Variants in CSMD3 observed in about 807,000 individuals in gnomAD.
CSMD3 encodes the protein CUB and Sushi multiple domains 3.
A neutral mutation model predicts 435.2 loss-of-function variants in CSMD3; 177 were observed. The observed-to-expected ratio is 0.41, with a 90% CI of 0.36 to 0.46. The LOEUF (loss-of-function observed/expected upper bound fraction) is 0.46. CSMD3 is among the 20% of genes least tolerant of loss of function. The pLI is 0.34. For missense variants in CSMD3, 4,265 were observed against 4,504.6 expected (o/e 0.95, Z 1.52); for synonymous variants, 1,656 against 1,520.5 (o/e 1.09, Z -2.07).
chr8:112,455,156 A>G (rs1341025900), intron 32 of CSMD3, among the ~76,000 whole-genome samples: 1 of 152,186 alleles, frequency 6.6e-6, no homozygotes, highest in African/African-American at 2.4e-5. Context: ...TCATCACAGT[A>G]CTATTCACAA....
intron 5 of CSMD3, among the ~76,000 whole-genome samples, chr8:113,055,409 C>T (rs2088281179): frequency 6.6e-6 from 1 of 152,178 alleles, no homozygotes; most frequent in Non-Finnish European, 1.5e-5. Flanking sequence ...TTGATAACTC[C>T]TCCTATTATA....
At chr8:112,909,408 TA>T (rs575455283) in intron 10 of CSMD3, among the ~76,000 whole-genome samples, 186 of 151,752 alleles carry the variant, frequency 1.2e-3, no homozygotes, top group African/African-American at 1.8e-3. Flanking sequence ...TTTAAACACA[TA>T]TTTTTTTTAA....
intron 13 of CSMD3, among the ~76,000 whole-genome samples, chr8:112,771,080 C>A (rs1428311876): frequency 6.6e-6 from 1 of 151,996 alleles, no homozygotes; most frequent in Non-Finnish European, 1.5e-5. Flanking sequence ...ATGACATATA[C>A]CTTCAACATT....
At chr8:112,300,471 C>A (rs1435046837) in intron 53 of CSMD3, among the ~76,000 whole-genome samples, 1 of 151,564 alleles carries the variant, frequency 6.6e-6, no homozygotes, top group Non-Finnish European at 1.5e-5. Context: ...TCATTTAACT[C>A]ATTAACTATT....
chr8:112,904,082 T>TC (rs1365517424), intron 10 of CSMD3, among the ~76,000 whole-genome samples: 12 of 151,196 alleles, frequency 7.9e-5, no homozygotes, highest in Non-Finnish European at 1.8e-4. Context: ...CAATGCTTTT[T>TC]CCCCCCCAGA....
At position 112,304,878 on chromosome 8, in the gene CSMD3, T is replaced by A. The variant is rs765423386; in HGVS notation, c.8109A>T (p.Glu2703Asp). The A allele has an allele frequency of 5.0e-6, 8 of 1,613,724 alleles. No individual in the cohort carries two copies. Among genetic ancestry groups the A allele is most frequent in the Non-Finnish European group, 6.8e-6 (8 of 1,179,884 alleles). Residue 2703 changes from glutamate (E) to aspartate (D), a missense_variant, in exon 52 of 71, where the codon GAA (glutamate) becomes GAT (aspartate). Glu to Asp is a conservative substitution (Grantham distance 45, BLOSUM62 2). Coordinates refer to ENST00000297405, the MANE Select transcript of CSMD3 (RefSeq NM_198123.2). ...TCPSINSFIL[E>D]HGRWRIVNGS... ...CATTCACAATTCGCCATCTTCCATG[T>A]TCCAAGATAAAGGAATTGATGCTTG...
chr8:113,125,212 G>A (rs1215969024), intron 4 of CSMD3, among the ~76,000 whole-genome samples: 7 of 151,926 alleles, frequency 4.6e-5, no homozygotes, highest in Admixed American at 1.3e-4. Flanking sequence ...GTGAAAGGGT[G>A]TACACAATGA....
At chr8:112,500,311 A>G (rs998736315) in intron 30 of CSMD3, among the ~76,000 whole-genome samples, 7 of 152,172 alleles carry the variant, frequency 4.6e-5, no homozygotes, top group Non-Finnish European at 7.3e-5. Flanking sequence ...TCATGAATGA[A>G]AGGAACTAGT....
chr8:113,233,512 T>G (rs909947526), intron 3 of CSMD3, among the ~76,000 whole-genome samples: 5 of 150,700 alleles, frequency 3.3e-5, no homozygotes, highest in Non-Finnish European at 5.9e-5. Flanking sequence ...AATATTAATG[T>G]TAGAATATTA....
In CSMD3 at chr8:113,436,912, T is replaced by A. The variant is rs553781433; in HGVS notation, c.-58A>T. On this transcript the variant is annotated 5_prime_UTR_variant, in exon 1 of 71. Coordinates refer to ENST00000297405, the MANE Select transcript of CSMD3 (RefSeq NM_198123.2). ...GCCCGGCGCAGTGGAGTTGTTGCTGTTGTTGGTGCGCGGTCACAGCTCGGA... is the reference window on the plus strand; with the variant it reads ...GCCCGGCGCAGTGGAGTTGTTGCTGATGTTGGTGCGCGGTCACAGCTCGGA... The A allele has an allele frequency of 6.3e-7, 1 of 1,596,354 alleles. No individual in the cohort carries two copies. Among genetic ancestry groups the A allele is most frequent in the Non-Finnish European group, 8.6e-7 (1 of 1,165,966 alleles).
chr8:112,252,669 ATG>A (rs1286156228), intron 63 of CSMD3, among the ~76,000 whole-genome samples: 2 of 110,774 alleles, frequency 1.8e-5, no homozygotes, highest in South Asian at 2.9e-4. Flanking sequence ...CAGATTTAGT[ATG>A]TGTGTGTGTA....
At chr8:112,693,276 G>C (rs2076178619) in intron 13 of CSMD3, among the ~76,000 whole-genome samples, 1 of 152,112 alleles carries the variant, frequency 6.6e-6, no homozygotes, top group South Asian at 2.1e-4. Flanking sequence ...GTGTTAAAGT[G>C]CTAGGTGATT....
chr8:112,295,996 A>G lies in CSMD3; in HGVS notation c.8451T>C (p.Cys2817=), dbSNP rs1364364827. 1 of 1,612,338 alleles carries G rather than the reference A, an allele frequency of 6.2e-7. No individual in the cohort carries two copies. The highest frequency in any genetic ancestry group is 1.1e-5 in the South Asian group (1 of 91,040). Residue 2817 remains cysteine, a synonymous_variant, in exon 54 of 71, where the codon TGT becomes TGC. Transcript: ENST00000297405. ...CATTCACAATCAGTTCTGGAATTCCACAATGACCCGCTGAAATACGTTATA... is the reference window on the plus strand; with the variant it reads ...CATTCACAATCAGTTCTGGAATTCCGCAATGACCCGCTGAAATACGTTATA... ...ESETRCLAGH[C]GIPELIVNGQ...
At chr8:112,340,168 C>T (rs370892537) in intron 42 of CSMD3, among the ~76,000 whole-genome samples, 241 of 152,266 alleles carry the variant, frequency 1.6e-3, no homozygotes, top group African/African-American at 4.2e-3. Context: ...TGTACACTTG[C>T]TAAAGTATAT....
intron 32 of CSMD3, among the ~76,000 whole-genome samples, chr8:112,409,244 C>G (rs1832125690): frequency 6.6e-6 from 1 of 151,906 alleles, no homozygotes; most frequent in African/African-American, 2.4e-5. Flanking sequence ...TGACCTAAAG[C>G]AATAAAATAT....
chr8:113,013,379 T>A (rs1205999364), intron 6 of CSMD3, among the ~76,000 whole-genome samples: 1 of 152,126 alleles, frequency 6.6e-6, no homozygotes, highest in African/African-American at 2.4e-5. Context: ...TGCTTTCTCA[T>A]CTGTTCCATA....
chr8:112,737,187 T>G (rs1468176263), intron 13 of CSMD3, among the ~76,000 whole-genome samples: 1 of 151,914 alleles, frequency 6.6e-6, no homozygotes, highest in Non-Finnish European at 1.5e-5. Flanking sequence ...CAATTATAGA[T>G]AAAAGAATAC....
intron 63 of CSMD3, among the ~76,000 whole-genome samples, chr8:112,253,502 G>A (rs942265542): frequency 6.6e-6 from 1 of 151,912 alleles, no homozygotes. Context: ...TCAGGTTCAC[G>A]CTGAATTTCA....
chr8:113,221,316 T>C (rs2092963261), intron 3 of CSMD3, among the ~76,000 whole-genome samples: 1 of 150,222 alleles, frequency 6.7e-6, no homozygotes, highest in Non-Finnish European at 1.5e-5. Context: ...TGTAATTCAT[T>C]CTCAAATGAC....
Sources: allele counts gnomAD v4.1 joint callset (sites outside exome capture counted in the v4.1 genomes callset), GRCh38; gene constraint gnomAD v4.1.1; transcripts MANE v1.5; gene names NCBI Gene and HGNC (gene_info 2026-07-23, HGNC 2026-07-21).